The following COL21A1 variants were observed in gnomAD, a reference collection of about 807,000 sequenced individuals.
COL21A1 encodes collagen alpha-1(XXI) chain.
A neutral mutation model predicts 137.9 loss-of-function variants in COL21A1; 149 were observed. That is an observed-to-expected ratio of 1.08 (90% CI 0.95 to 1.24). COL21A1 has a LOEUF of 1.24. Ranked by LOEUF, COL21A1 falls within the 50% of genes most tolerant of loss-of-function variation. The pLI, the probability that COL21A1 is intolerant of heterozygous loss-of-function variation, is 0.00. For missense variants in COL21A1, 1,167 were observed against 1,158.4 expected (o/e 1.01, Z -0.11); for synonymous variants, 456 against 391.5 (o/e 1.16, Z -1.95).
chr6:56,286,163 A>T (rs1356720956), intron 1 of COL21A1, among the ~76,000 whole-genome samples: 1 of 152,218 alleles, frequency 6.6e-6, no homozygotes, highest in Non-Finnish European at 1.5e-5. Context: ...AGGTTTAAAC[A>T]GGGCAAATTC....
chr6:56,323,548 C>A (rs1217739272), intron 1 of COL21A1, among the ~76,000 whole-genome samples: 1 of 152,016 alleles, frequency 6.6e-6, no homozygotes, highest in Admixed American at 6.6e-5. Flanking sequence ...CACCACTGTG[C>A]CCAGATAATT....
upstream of COL21A1, among the ~76,000 whole-genome samples, chr6:56,250,825 G>A (rs2152329076): frequency 6.6e-6 from 1 of 152,248 alleles, no homozygotes; most frequent in South Asian, 2.1e-4. Flanking sequence ...TTAGTAAAGA[G>A]AGTATCTTTT....
intron 24 of COL21A1, among the ~76,000 whole-genome samples, chr6:56,062,004 TAAA>T (rs1765840750): frequency 6.6e-6 from 1 of 152,106 alleles, no homozygotes; most frequent in Admixed American, 6.6e-5. Flanking sequence ...TTAATAATAA[TAAA>T]AACTCAAATC....
intron 1 of COL21A1, among the ~76,000 whole-genome samples, chr6:56,346,509 G>A (rs1286690611): frequency 1.3e-5 from 2 of 152,114 alleles, no homozygotes; most frequent in Non-Finnish European, 2.9e-5. Context: ...GCTCTACCTT[G>A]TCAATATTTA....
chr6:56,072,536 G>A (rs1368837466), intron 20 of COL21A1, among the ~76,000 whole-genome samples: 2 of 151,440 alleles, frequency 1.3e-5, no homozygotes, highest in Non-Finnish European at 3.0e-5. Context: ...AACATAAGCT[G>A]ACAAAACTAG....
rs3925023 is a variant in COL21A1 at position 56,329,477 on chromosome 6, T to C, written c.-39+64494A>G. Among the ~76,000 whole-genome samples the C allele has an allele frequency of 3.4e-3, 521 of 152,250 alleles. 12 individuals are homozygous for C. Among genetic ancestry groups the C allele is most frequent in the Admixed American group, 0.029 (444 of 15,254 alleles). ...TTGGACCATTTCCTATCTTGATTTT[T>C]ATGTTGCTGCCTGGATAATGTAGGG... On this transcript the variant is annotated intron_variant, in intron 1 of 28. Transcript: ENST00000370819.
chr6:56,098,051 AAATATATATAAATATAT>A, intron 17 of COL21A1, among the ~76,000 whole-genome samples: 1 of 56,168 alleles, frequency 1.8e-5, no homozygotes, highest in African/African-American at 8.0e-5. Context: ...AAATATATAT[AAATATATATAAATATAT>A]AAATATATAT....
chr6:56,121,305 CA>C (rs1300794279), intron 16 of COL21A1, among the ~76,000 whole-genome samples: 3 of 151,734 alleles, frequency 2.0e-5, no homozygotes. Context: ...CATAATGTAT[CA>C]TTCCAACTAT....
chr6:56,269,879 A>G (rs1475577060), intron 1 of COL21A1, among the ~76,000 whole-genome samples: 2 of 152,208 alleles, frequency 1.3e-5, no homozygotes, highest in Non-Finnish European at 2.9e-5. Flanking sequence ...ACAAGCAAAC[A>G]CTGATGGAAT....
intron 1 of COL21A1, among the ~76,000 whole-genome samples, chr6:56,322,879 G>A: frequency 1.5e-5 from 1 of 68,938 alleles, no homozygotes; most frequent in African/African-American, 3.9e-5. Flanking sequence ...ACCATCCTCT[G>A]CTATCAAAAA....
chr6:56,103,222 C>G (rs555815865), intron 16 of COL21A1, among the ~76,000 whole-genome samples: 1 of 152,224 alleles, frequency 6.6e-6, no homozygotes, highest in East Asian at 1.9e-4. Flanking sequence ...GCCAGAATCT[C>G]TGGGTGGGGG....
intron 10 of COL21A1, among the ~76,000 whole-genome samples, chr6:56,155,665 C>A (rs769568867): frequency 2.1e-4 from 32 of 152,186 alleles, no homozygotes; most frequent in Non-Finnish European, 3.4e-4. Context: ...GGCATGATCT[C>A]AGCTCATGCA....
chr6:56,116,118 A>T lies in COL21A1; in HGVS notation c.1758+7944T>A, dbSNP rs189683662. On this transcript the variant is annotated intron_variant, in intron 16 of 29. Coordinates refer to ENST00000244728, the MANE Select transcript of COL21A1 (RefSeq NM_030820.4). Reference sequence around the variant, plus strand: ...GGTAGAAACTTTATTCAAAGGGTTAACAGAGAACTTCCCAAACCTAGAGAA... The same window carrying T: ...GGTAGAAACTTTATTCAAAGGGTTATCAGAGAACTTCCCAAACCTAGAGAA... Among the ~76,000 whole-genome samples the T allele has an allele frequency of 1.9e-4, 29 of 152,218 alleles. No individual in the cohort carries two copies. In the East Asian group the frequency reaches 5.4e-3, roughly 28 times the overall value.
upstream of COL21A1, among the ~76,000 whole-genome samples, chr6:56,248,046 T>C (rs765561271): frequency 6.6e-6 from 1 of 152,134 alleles, no homozygotes; most frequent in Non-Finnish European, 1.5e-5. Context: ...CACTTTCAAA[T>C]AGTCAAGTAG....
At chr6:56,204,957 T>A (rs1779665311) in intron 1 of COL21A1, among the ~76,000 whole-genome samples, 1 of 152,086 alleles carries the variant, frequency 6.6e-6, no homozygotes, top group Non-Finnish European at 1.5e-5. Context: ...AAAAAGGATG[T>A]CCATTCAGAG....
chr6:56,118,999 C>A (rs905665394), intron 16 of COL21A1, among the ~76,000 whole-genome samples: 1 of 151,988 alleles, frequency 6.6e-6, no homozygotes, highest in Non-Finnish European at 1.5e-5. Flanking sequence ...AAAATAAAAG[C>A]CTTTCCTGTA....
At chr6:56,102,590 G>A (rs574734076) in intron 16 of COL21A1, among the ~76,000 whole-genome samples, 3 of 152,220 alleles carry the variant, frequency 2.0e-5, no homozygotes, top group African/African-American at 7.2e-5. Flanking sequence ...ATGCACTGAA[G>A]CATATTATAA....
chr6:56,129,600 G>A (rs1434547147), intron 12 of COL21A1, among the ~76,000 whole-genome samples: 1 of 151,798 alleles, frequency 6.6e-6, no homozygotes, highest in African/African-American at 2.4e-5. Context: ...TATACTAAAT[G>A]TCTTTCTCAA....
chr6:56,168,185 C>A lies in COL21A1; in HGVS notation c.1139G>T (p.Gly380Val). The A allele has an allele frequency of 6.4e-7, 1 of 1,556,806 alleles. No individual in the cohort carries two copies. The highest frequency in any genetic ancestry group is 2.3e-5 in the East Asian group (1 of 43,328). Residue 380 changes from glycine to valine, a missense_variant, in exon 6 of 30, where the codon GGG (glycine) becomes GTG (valine). Physicochemically the swap from Gly to Val is moderately radical, Grantham distance 109. Coordinates refer to ENST00000244728, the MANE Select transcript of COL21A1 (RefSeq NM_030820.4). The stretch of plus-strand genomic sequence containing the variant: ...TTGGGTTTGCCCATTGATCAAGATC[C>A]CTAAAACTGGATGTAAGGGCTTGTT... ...IENKPLHPVL[G>V]ILINGQTQIG...
Sources: allele counts gnomAD v4.1 joint callset (sites outside exome capture counted in the v4.1 genomes callset), GRCh38; gene constraint gnomAD v4.1.1; transcripts MANE v1.5; gene names NCBI Gene and HGNC (gene_info 2026-07-23, HGNC 2026-07-21).